SPRR2F: variants seen among roughly 807,000 people sequenced by gnomAD.
SPRR2F encodes the protein small proline rich protein 2F.
In SPRR2F, 2 loss-of-function variants were observed where a neutral mutation model predicts 0.8. That is an observed-to-expected ratio of 2.52 (90% CI 1.03 to 7.95). SPRR2F has a LOEUF of 7.95. Among genes scored for constraint, SPRR2F ranks in the 30% most tolerant of loss-of-function variants. The pLI is 0.04. For synonymous variants in SPRR2F, 39 were observed against 33.4 expected, an observed-to-expected ratio of 1.17 and a Z score of -0.58; for missense variants, 80 against 85.8, an observed-to-expected ratio of 0.93 and a Z score of 0.27.
At chr1:153,118,552 G>A in the SPRR2F span, among the ~76,000 whole-genome samples, 1 of 152,158 alleles carries the variant, frequency 6.6e-6, no homozygotes, top group Non-Finnish European at 1.5e-5. Flanking sequence ...TCAGGAGGCA[G>A]TGGGATGATA....
intron 1 of SPRR2F, among the ~76,000 whole-genome samples, chr1:153,113,090 A>G (rs1299639182): frequency 1.3e-5 from 2 of 152,218 alleles, no homozygotes; most frequent in Non-Finnish European, 2.9e-5. Context: ...TGTTATCATT[A>G]TCTGTTGTAA....
At chr1:153,117,561 C>T (rs541773131), upstream of SPRR2F, among the ~76,000 whole-genome samples, 1 of 152,030 alleles carries the variant, frequency 6.6e-6, no homozygotes, top group South Asian at 2.1e-4. Context: ...CAGTCTAAGT[C>T]CTTATAAGGA....
chr1:153,114,650 T>C (rs1348452832), upstream of SPRR2F, among the ~76,000 whole-genome samples: 5 of 152,188 alleles, frequency 3.3e-5, no homozygotes, highest in Admixed American at 3.3e-4. Context: ...TCTCAGTGTT[T>C]TTTAATTTGT....
chr1:153,113,557 C>A (rs1367713894), upstream of SPRR2F: 1 of 152,162 alleles, frequency 6.6e-6, no homozygotes, highest in Non-Finnish European at 1.5e-5. Flanking sequence ...GGCCTGCTAC[C>A]CCTCCCAGCA....
chr1:153,112,930 T>C (rs1248953119), intron 1 of SPRR2F, among the ~76,000 whole-genome samples, 178 bp from the exon 2 acceptor site: 1 of 152,238 alleles, frequency 6.6e-6, no homozygotes, highest in Non-Finnish European at 1.5e-5. Flanking sequence ...TACTTCATTG[T>C]CCCTGGGAAC....
At chr1:153,114,409 C>A (rs147011603), upstream of SPRR2F, among the ~76,000 whole-genome samples, 484 of 152,262 alleles carry the variant, frequency 3.2e-3, 2 homozygotes, top group African/African-American at 0.011. Flanking sequence ...AACAAAATTA[C>A]AAGCATTCAT....
chr1:153,112,817 A>G (rs1048100029), intron 1 of SPRR2F, 65 bp from the exon 2 acceptor site: 2 of 1,597,678 alleles, frequency 1.3e-6, no homozygotes, highest in African/African-American at 1.3e-5. Context: ...GCCAAAGCTT[A>G]TGTAATACCA....
chr1:153,115,712 GTCTATCTA>G (rs138967332), upstream of SPRR2F, among the ~76,000 whole-genome samples: 5 of 151,924 alleles, frequency 3.3e-5, no homozygotes, highest in African/African-American at 4.8e-5. Flanking sequence ...ATGGGTGTGT[GTCTATCTA>G]TCTATCTATC....
At chr1:153,116,972 A>G (rs1338981754), upstream of SPRR2F, among the ~76,000 whole-genome samples, 2 of 152,270 alleles carry the variant, frequency 1.3e-5, no homozygotes, top group Admixed American at 1.3e-4. Context: ...AGTACTTAGT[A>G]CATTATGTAC....
chr1:153,112,991 C>G (rs1655636200), intron 1 of SPRR2F, among the ~76,000 whole-genome samples: 1 of 152,104 alleles, frequency 6.6e-6, no homozygotes, highest in Non-Finnish European at 1.5e-5. Flanking sequence ...CTGTAGTAAA[C>G]AACCAAGCAT....
upstream of SPRR2F, among the ~76,000 whole-genome samples, chr1:153,117,879 A>T (rs1655748529): frequency 6.6e-6 from 1 of 152,076 alleles, no homozygotes; most frequent in African/African-American, 2.4e-5. Context: ...AATTGTGAAA[A>T]ACTCTGGAGT....
At chr1:153,112,790 A>C (rs1655630668) in intron 1 of SPRR2F, 38 bp from the exon 2 acceptor site, 9 of 1,607,510 alleles carry the variant, frequency 5.6e-6, no homozygotes, top group Admixed American at 1.7e-5. Flanking sequence ...CGGGAAGGGA[A>C]TCCTCCAGAG....
Position 153,112,372 on chromosome 1 carries a change from A to G in SPRR2F, c.*143T>C. On this transcript the variant is annotated 3_prime_UTR_variant, in exon 2 of 2. Transcript: ENST00000468739. ...AGAAAACCTTTTGCTATCAGAGATC[A>G]TCACAGGCCGATCACAGGCTAAGAG... 7.0e-7 allele frequency: 1 copy of G among 1,433,254 alleles called. No homozygotes were observed. The highest frequency in any genetic ancestry group is 9.4e-7 in the Non-Finnish European group (1 of 1,062,360). 88.8% of individuals were successfully genotyped at this position (1,433,254 alleles called of 1,614,324 possible).
upstream of SPRR2F, among the ~76,000 whole-genome samples, chr1:153,117,376 T>C (rs1655738723): frequency 6.6e-6 from 1 of 152,068 alleles, no homozygotes; most frequent in Non-Finnish European, 1.5e-5. Context: ...AAATGCAATA[T>C]GTTAACTGTG....
intron 1 of SPRR2F, among the ~76,000 whole-genome samples, chr1:153,113,073 C>T (rs938163321): frequency 6.6e-6 from 1 of 152,144 alleles, no homozygotes; most frequent in African/African-American, 2.4e-5. Flanking sequence ...ATCTCACAAG[C>T]TATTCCTGTT....
chr1:153,112,702 G>A lies in SPRR2F; in HGVS notation c.32C>T (p.Pro11Leu), dbSNP rs775714554. 1 of 1,612,046 alleles carries A rather than the reference G, an allele frequency of 6.2e-7. No individual in the cohort carries two copies. The highest frequency in any genetic ancestry group is 8.5e-7 in the Non-Finnish European group (1 of 1,179,846). ...GGGGCACACAGGAGGTGGCTGGCAGGGCTGCTTGCACTGCTGCTGTTGATA... is the reference window on the plus strand; with the variant it reads ...GGGGCACACAGGAGGTGGCTGGCAGAGCTGCTTGCACTGCTGCTGTTGATA... MSYQQQQCKQ[P>L]CQPPPVCPAP... The change falls in exon 2 of 2, where the codon CCC (proline) becomes CTC (leucine). Residue 11 changes from proline to leucine, a missense_variant. Transcript: ENST00000468739.
At chr1:153,112,780 CGGGAAG>C in intron 1 of SPRR2F, 28 bp from the exon 2 acceptor site, 1 of 1,608,616 alleles carries the variant, frequency 6.2e-7, no homozygotes, top group Non-Finnish European at 8.5e-7. Flanking sequence ...ACAGTGTTCA[CGGGAAG>C]GGAATCCTCC....
At position 153,112,290 on chromosome 1, in the gene SPRR2F, C is replaced by G; in HGVS notation, c.*225G>C. The G allele has an allele frequency of 1.3e-6, 1 of 786,658 alleles. No individual in the cohort carries two copies. Among genetic ancestry groups the G allele is most frequent in the Non-Finnish European group, 1.9e-6 (1 of 518,190 alleles). 48.7% of individuals were successfully genotyped at this position (786,658 alleles called of 1,614,324 possible). A position where few individuals can be genotyped will look rare whatever the true frequency, so the allele number is the denominator to read the frequency against. Reference sequence around the variant, plus strand: ...CTGAAGCTCTGGGAGCTGGCACAGCCCAGGACTTCCTTTGCTCAGTCTCCA... The same window carrying G: ...CTGAAGCTCTGGGAGCTGGCACAGCGCAGGACTTCCTTTGCTCAGTCTCCA... On this transcript the variant is annotated 3_prime_UTR_variant, in exon 2 of 2. Coordinates refer to ENST00000468739, the MANE Select transcript of SPRR2F (RefSeq NM_001014450.3).
At chr1:153,118,808 C>T in the SPRR2F span, among the ~76,000 whole-genome samples, 3 of 152,068 alleles carry the variant, frequency 2.0e-5, no homozygotes. Flanking sequence ...CATGGGCAAA[C>T]GTAAAAGCCA....
Sources: gnomAD v4.1 joint callset for allele counts (sites outside exome capture counted in the v4.1 genomes callset) on GRCh38, gnomAD v4.1.1 for gene constraint, MANE v1.5 for transcripts, NCBI Gene and HGNC (gene_info 2026-07-23, HGNC 2026-07-21) for gene names.